MAL: variants seen among roughly 807,000 people sequenced by gnomAD.
MAL encodes mal, T cell differentiation protein (MAL blood group).
A neutral mutation model predicts 16.7 loss-of-function variants in MAL; 5 were observed. The ratio of observed to expected loss-of-function variants is 0.30; its 90% CI spans 0.16 to 0.63. The LOEUF (loss-of-function observed/expected upper bound fraction) is 0.63, where lower values mean the gene tolerates loss of function less well. Among genes scored for constraint, MAL ranks in the 30% least tolerant of loss-of-function variants. The pLI is 0.82. For missense variants in MAL, 202 were observed against 195.8 expected (o/e 1.03, Z -0.19); for synonymous variants, 96 against 85.5 (o/e 1.12, Z -0.67).
chr2:95,048,178 G>T (rs1484158459), intron 2 of MAL, 52 bp downstream of exon 2: 4 of 1,526,830 alleles, frequency 2.6e-6, no homozygotes, highest in Non-Finnish European at 3.6e-6. Flanking sequence ...AGGAAGTACT[G>T]GTCCCTGGCC....
chr2:95,031,940 T>G (rs2104331174), intron 1 of MAL, among the ~76,000 whole-genome samples: 1 of 152,350 alleles, frequency 6.6e-6, no homozygotes, highest in Admixed American at 6.5e-5. Flanking sequence ...TCAGTAACTT[T>G]GAGCTGCTCC....
intron 1 of MAL, among the ~76,000 whole-genome samples, chr2:95,041,959 G>A (rs1318616399): frequency 2.0e-5 from 3 of 152,114 alleles, no homozygotes; most frequent in Non-Finnish European, 4.4e-5. Flanking sequence ...ATTAAAGATG[G>A]GTGGTTTCCA....
intron 1 of MAL, among the ~76,000 whole-genome samples, chr2:95,037,448 GTGAGTGACTGAGTGACTAAC>G (rs1380067163): frequency 3.3e-5 from 5 of 151,166 alleles, no homozygotes; most frequent in East Asian, 2.0e-4. Context: ...GAGTGACTGA[GTGAGTGACTGAGTGACTAAC>G]TGAGTGACTG....
chr2:95,050,176 T>G (rs554139811), intron 3 of MAL, among the ~76,000 whole-genome samples: 5 of 152,308 alleles, frequency 3.3e-5, no homozygotes, highest in South Asian at 2.1e-4. Flanking sequence ...TTTGGGGCTG[T>G]GAGTCTGACC....
At chr2:95,034,913 C>T (rs1262025751) in intron 1 of MAL, among the ~76,000 whole-genome samples, 1 of 152,166 alleles carries the variant, frequency 6.6e-6, no homozygotes, top group Non-Finnish European at 1.5e-5. Context: ...CTGTCTCGTG[C>T]CTACACCCTA....
intron 1 of MAL, among the ~76,000 whole-genome samples, chr2:95,041,774 A>G (rs3105099): frequency 0.74 from 113,269 of 152,078 alleles, 42,711 homozygotes; most frequent in African/African-American, 0.84. Flanking sequence ...AAGCTTCTCC[A>G]AGTTCACACA....
At chr2:95,042,270 C>T (rs1359568523) in intron 1 of MAL, among the ~76,000 whole-genome samples, 2 of 152,220 alleles carry the variant, frequency 1.3e-5, no homozygotes, top group Non-Finnish European at 2.9e-5. Context: ...CCTCTTCTGT[C>T]TTACAGGAGT....
At chr2:95,049,183 A>G (rs1015322112) in intron 2 of MAL, among the ~76,000 whole-genome samples, 1 of 152,130 alleles carries the variant, frequency 6.6e-6, no homozygotes, top group African/African-American at 2.4e-5. Flanking sequence ...ACAAAACAAA[A>G]CAAAACGAAA....
intron 1 of MAL, among the ~76,000 whole-genome samples, chr2:95,042,545 T>A (rs75797502): frequency 1.3e-5 from 2 of 152,264 alleles, no homozygotes; most frequent in East Asian, 3.9e-4. Context: ...CCCTTATCCC[T>A]CTGCAGCCAC....
At chr2:95,040,122 TACACAC>T (rs140877183) in intron 1 of MAL, among the ~76,000 whole-genome samples, 3 of 149,912 alleles carry the variant, frequency 2.0e-5, no homozygotes, top group African/African-American at 7.3e-5. Flanking sequence ...TCTACCTACC[TACACAC>T]ACACACACAC....
At chr2:95,038,366 A>AAGTGAGTGAGTGACGAAGTG (rs1674311051) in intron 1 of MAL, among the ~76,000 whole-genome samples, 3 of 64,278 alleles carry the variant, frequency 4.7e-5, no homozygotes, top group Non-Finnish European at 6.4e-5. Flanking sequence ...GTGAGTGGCT[A>AAGTGAGTGAGTGACGAAGTG]AGTGAGTGAG....
intron 3 of MAL, chr2:95,053,098 G>A (rs549132571): frequency 2.8e-5 from 10 of 361,956 alleles, no homozygotes; most frequent in African/African-American, 1.6e-4. Context: ...CAAGTCAGCC[G>A]AAACCTCAAG....
intron 1 of MAL, among the ~76,000 whole-genome samples, chr2:95,045,236 C>T (rs1297719961): frequency 1.3e-5 from 2 of 152,172 alleles, no homozygotes; most frequent in Non-Finnish European, 2.9e-5. Flanking sequence ...CAGTGTTCCT[C>T]GATAGCATGT....
At chr2:95,037,474 G>A (rs1190772912) in intron 1 of MAL, among the ~76,000 whole-genome samples, 1 of 151,328 alleles carries the variant, frequency 6.6e-6, no homozygotes, top group Non-Finnish European at 1.5e-5. Flanking sequence ...CTAACTGAGT[G>A]ACTGAGTGAC....
rs559357883 is a variant in MAL at position 95,029,466 on chromosome 2, G to A, written c.93+3581G>A. On this transcript the variant is annotated intron_variant, in intron 1 of 3. Coordinates refer to ENST00000309988, the MANE Select transcript of MAL (RefSeq NM_002371.4). Reference sequence around the variant, plus strand: ...TCTGAGATTTATACATGTTGACTTTGTTTACCCAGTCTTCTGTTAATAGAC... The same window carrying A: ...TCTGAGATTTATACATGTTGACTTTATTTACCCAGTCTTCTGTTAATAGAC... Among the ~76,000 whole-genome samples, 11 of 152,304 alleles carry A rather than the reference G, an allele frequency of 7.2e-5. No individual in the cohort carries two copies. In the South Asian group the frequency reaches 1.7e-3, roughly 23 times the overall value.
At chr2:95,035,709 G>C (rs1471753240) in intron 1 of MAL, among the ~76,000 whole-genome samples, 3 of 140,750 alleles carry the variant, frequency 2.1e-5, no homozygotes, top group Non-Finnish European at 3.0e-5. Flanking sequence ...TTGCTCTGTC[G>C]CCCAGGCTGG....
At chr2:95,043,264 A>C (rs531999764) in intron 1 of MAL, among the ~76,000 whole-genome samples, 2 of 152,354 alleles carry the variant, frequency 1.3e-5, no homozygotes, top group South Asian at 4.1e-4. Context: ...GTCCACCTGC[A>C]TGTTAAGTGG....
At chr2:95,053,199 G>A in intron 3 of MAL, 182 bp from the exon 4 acceptor site, 1 of 629,214 alleles carries the variant, frequency 1.6e-6, no homozygotes, top group Non-Finnish European at 2.8e-6. Flanking sequence ...GCTCTGTACT[G>A]AGAGGATTTG....
chr2:95,039,296 GTGAC>G (rs1674373721), intron 1 of MAL, among the ~76,000 whole-genome samples: 1 of 150,850 alleles, frequency 6.6e-6, no homozygotes, highest in Admixed American at 6.6e-5. Flanking sequence ...GAGTGACTGA[GTGAC>G]TGAGTGGGTG....
Sources: allele counts gnomAD v4.1 joint callset (sites outside exome capture counted in the v4.1 genomes callset), GRCh38; gene constraint gnomAD v4.1.1; transcripts MANE v1.5; gene names NCBI Gene and HGNC (gene_info 2026-07-23, HGNC 2026-07-21).